Variants in ARL1 observed in about 807,000 individuals in gnomAD.
ARL1 encodes ADP-ribosylation factor-like protein 1.
A neutral mutation model predicts 30.1 loss-of-function variants in ARL1; 17 were observed. That is an observed-to-expected ratio of 0.56 (90% CI 0.39 to 0.85). The LOEUF (loss-of-function observed/expected upper bound fraction) is 0.85. Ranked by LOEUF, ARL1 falls within the 40% of genes least tolerant of loss-of-function variation. The pLI is 0.00. For missense variants in ARL1, 102 were observed against 212.6 expected (o/e 0.48, Z 3.24); for synonymous variants, 58 against 71.7 (o/e 0.81, Z 0.97).
intron 4 of ARL1, 90 bp from the exon 5 acceptor site, chr12:101,396,667 TTTA>T: frequency 1.0e-6 from 1 of 1,002,402 alleles, no homozygotes; most frequent in Non-Finnish European, 1.4e-6. Flanking sequence ...AAACGTGTAT[TTTA>T]TAATTAATAT....
intron 2 of ARL1, among the ~76,000 whole-genome samples, chr12:101,403,941 T>A (rs1198218004): frequency 6.6e-6 from 1 of 151,628 alleles, no homozygotes; most frequent in Non-Finnish European, 1.5e-5. Context: ...GCCTGGGCAA[T>A]AGAGTGAGAC....
intron 4 of ARL1, among the ~76,000 whole-genome samples, chr12:101,398,392 G>A (rs931690832): frequency 3.4e-5 from 5 of 147,076 alleles, no homozygotes; most frequent in East Asian, 2.0e-4. Context: ...GTGAAACTCC[G>A]TCTCAAAAAA....
At chr12:101,407,453 G>A (rs1254945060) in intron 1 of ARL1, 189 bp downstream of exon 1, 4 of 702,518 alleles carry the variant, frequency 5.7e-6, no homozygotes, top group Middle Eastern at 3.8e-4. Flanking sequence ...AGAGAGGACG[G>A]AGGAGAACGC....
At chr12:101,398,693 C>CTGTAA (rs1400437553) in intron 4 of ARL1, among the ~76,000 whole-genome samples, 2 of 152,120 alleles carry the variant, frequency 1.3e-5, no homozygotes, top group African/African-American at 4.8e-5. Context: ...CTGCCTCGGC[C>CTGTAA]TCCCAAAGTG....
intron 2 of ARL1, 23 bp from the exon 3 acceptor site, chr12:101,402,969 G>T: frequency 6.4e-7 from 1 of 1,563,354 alleles, no homozygotes; most frequent in East Asian, 2.2e-5. Flanking sequence ...TCAAATCAGT[G>T]GTATGTGTAG....
chr12:101,398,451 TTTTG>T (rs940425356), intron 4 of ARL1, among the ~76,000 whole-genome samples: 10 of 151,944 alleles, frequency 6.6e-5, no homozygotes, highest in Non-Finnish European at 1.3e-4. Context: ...ACTATATATT[TTTTG>T]TTTGTTTGTT....
intron 3 of ARL1, 117 bp from the exon 4 acceptor site, chr12:101,401,290 T>A: frequency 1.5e-6 from 1 of 661,946 alleles, no homozygotes; most frequent in Non-Finnish European, 2.6e-6. Flanking sequence ...GATTCACTGT[T>A]TCTGGTGGAT....
intron 2 of ARL1, chr12:101,403,758 G>A (rs1191680689): frequency 6.6e-6 from 1 of 152,486 alleles, no homozygotes; most frequent in African/African-American, 2.4e-5. Flanking sequence ...TCAGGAGTTC[G>A]AGACCAGCCT....
At chr12:101,399,223 G>A (rs149843849) in intron 4 of ARL1, among the ~76,000 whole-genome samples, 678 of 152,170 alleles carry the variant, frequency 4.5e-3, no homozygotes, top group Admixed American at 8.0e-3. Flanking sequence ...TGGGCTGAGC[G>A]CGGTGGCTCA....
intron 5 of ARL1, 136 bp from the exon 6 acceptor site, chr12:101,395,806 C>A (rs1337802255): frequency 3.3e-6 from 2 of 610,972 alleles, no homozygotes; most frequent in African/African-American, 1.9e-5. Context: ...AGGTTATGCA[C>A]TAGATATCCA....
intron 4 of ARL1, among the ~76,000 whole-genome samples, chr12:101,399,472 A>T (rs935438880): frequency 7.1e-6 from 1 of 140,538 alleles, no homozygotes; most frequent in Non-Finnish European, 1.5e-5. Context: ...AGATCACGCC[A>T]CTCACTCCAG....
In ARL1 at chr12:101,393,867, AG is replaced by A. The variant is rs377033617; in HGVS notation, c.*1772del. Reference sequence around the variant, plus strand: ...ATTTTCCAGCCATGTGCCATTGACCAGGAGTGAACTCAAGTATAAATTGCAA... The same window carrying A: ...ATTTTCCAGCCATGTGCCATTGACCAGAGTGAACTCAAGTATAAATTGCAA... On this transcript the variant is annotated 3_prime_UTR_variant, in exon 6 of 6. Transcript: ENST00000261636. The A allele has an allele frequency of 1.2e-3, 178 of 152,270 alleles. No individual in the cohort carries two copies. Among genetic ancestry groups the A allele is most frequent in the African/African-American group, 3.9e-3 (163 of 41,542 alleles). The allele number at this position is 152,270 out of a possible 1,614,324, so 9.4% of individuals were successfully genotyped here.
At position 101,394,048 on chromosome 12, in the gene ARL1, T is replaced by C. The variant is rs1197893785; in HGVS notation, c.*1592A>G. On this transcript the variant is annotated 3_prime_UTR_variant, in exon 6 of 6. Coordinates refer to ENST00000261636, the MANE Select transcript of ARL1 (RefSeq NM_001177.6). ...AGTAATATTGGTTGTACTGGAACAT[T>C]TGTAGCTGAAGGAAAATCTCCAAAA... 3 of 151,170 alleles carry C rather than the reference T, an allele frequency of 2.0e-5. No homozygotes were observed. The highest frequency in any genetic ancestry group is 4.4e-5 in the Non-Finnish European group (3 of 67,912). 9.4% of individuals were successfully genotyped at this position (151,170 alleles called of 1,614,324 possible). A position where few individuals can be genotyped will look rare whatever the true frequency, so the allele number is the denominator to read the frequency against.
chr12:101,396,657 A>G (rs1871162049), intron 4 of ARL1, 80 bp from the exon 5 acceptor site: 1 of 1,104,170 alleles, frequency 9.1e-7, no homozygotes, highest in East Asian at 2.4e-5. Flanking sequence ...AATACATTTT[A>G]AACGTGTATT....
chr12:101,407,690 G>A lies in ARL1; in HGVS notation c.-45C>T. On this transcript the variant is annotated 5_prime_UTR_variant, in exon 1 of 6. Transcript: ENST00000261636. The stretch of plus-strand genomic sequence containing the variant: ...CTCGCCGATCTTCAGTGATTCCTTG[G>A]CCTTCGGCTGCAGCTCCGAGGCGGT... 1 of 1,611,294 alleles carries A rather than the reference G, an allele frequency of 6.2e-7. No homozygotes were observed. The highest frequency in any genetic ancestry group is 8.5e-7 in the Non-Finnish European group (1 of 1,179,470).
At chr12:101,397,385 A>T (rs1871178452) in intron 4 of ARL1, among the ~76,000 whole-genome samples, 2 of 152,104 alleles carry the variant, frequency 1.3e-5, no homozygotes, top group South Asian at 2.1e-4. Flanking sequence ...CTCTACAAAA[A>T]TTTTTTTAAA....
At chr12:101,404,958 GCCTC>G (rs1412007985) in intron 2 of ARL1, among the ~76,000 whole-genome samples, 5 of 152,138 alleles carry the variant, frequency 3.3e-5, no homozygotes, top group African/African-American at 9.7e-5. Flanking sequence ...CACAACCTCT[GCCTC>G]CCAGGTTCAA....
chr12:101,396,675 T>G, intron 4 of ARL1, 98 bp from the exon 5 acceptor site: 1 of 898,920 alleles, frequency 1.1e-6, no homozygotes, highest in Non-Finnish European at 1.6e-6. Context: ...ATTTTATAAT[T>G]AATATATTAC....
intron 3 of ARL1, among the ~76,000 whole-genome samples, chr12:101,401,875 C>T: frequency 6.6e-6 from 1 of 151,948 alleles, no homozygotes; most frequent in East Asian, 1.9e-4. Context: ...TTTTATTTAA[C>T]AGTCATGAAA....
Sources: gnomAD v4.1 joint callset for allele counts (sites outside exome capture counted in the v4.1 genomes callset) on GRCh38, gnomAD v4.1.1 for gene constraint, MANE v1.5 for transcripts, NCBI Gene and HGNC (gene_info 2026-07-23, HGNC 2026-07-21) for gene names.